IKZF3: variants seen among roughly 807,000 people sequenced by gnomAD.
IKZF3 encodes the protein IKAROS family zinc finger 3, also known as zinc finger protein Aiolos.
Under a neutral mutation model 49.0 loss-of-function variants are expected in IKZF3, and 10 were observed. That is an observed-to-expected ratio of 0.20 (90% CI 0.13 to 0.35). The LOEUF is 0.35. Ranked by LOEUF, IKZF3 falls within the 10% of genes least tolerant of loss-of-function variation. The pLI, the probability that IKZF3 is intolerant of heterozygous loss-of-function variation, is 1.00. For missense variants in IKZF3, 498 were observed against 664.8 expected, an observed-to-expected ratio of 0.75 and a Z score of 2.76; for synonymous variants, 209 against 228.2, an observed-to-expected ratio of 0.92 and a Z score of 0.76.
chr17:39,862,274 T>C (rs2144610668), intron 1 of IKZF3, among the ~76,000 whole-genome samples: 1 of 152,318 alleles, frequency 6.6e-6, no homozygotes, highest in East Asian at 1.9e-4. Context: ...TGACTTTATA[T>C]GCTGAAGGAA....
chr17:39,765,795 T>C lies in IKZF3; in HGVS notation c.1525A>G (p.Lys509Glu). The change falls in exon 8 of 8, where the codon AAG (lysine) becomes GAG (glutamate). Residue 509 changes from lysine (K) to glutamate (E), a missense_variant. Around this residue, in one of 3 missense-constraint regions of IKZF3, gnomAD observed 317 missense variants for 397.3 expected, o/e 0.80. Coordinates refer to ENST00000346872, the MANE Select transcript of IKZF3 (RefSeq NM_012481.5). Reference protein sequence around the residue: ...IARGEHRALLK With the variant: ...IARGEHRALLE ...CAATCCCTGAGACCAGATATTCACT[T>C]CAGCAGGGCTCTGTGTTCTCCTCTG... is the stretch of plus-strand genomic sequence containing the variant. The C allele has an allele frequency of 6.3e-7, 1 of 1,595,570 alleles. No homozygotes were observed. The highest frequency in any genetic ancestry group is 8.6e-7 in the Non-Finnish European group (1 of 1,166,384).
chr17:39,804,518 G>A (rs546601505), intron 3 of IKZF3, among the ~76,000 whole-genome samples: 5 of 152,030 alleles, frequency 3.3e-5, no homozygotes, highest in East Asian at 1.9e-4. Flanking sequence ...ATTTAGTGAT[G>A]ATAACTAGGC....
intron 3 of IKZF3, among the ~76,000 whole-genome samples, chr17:39,810,716 A>T (rs1170582100): frequency 6.6e-6 from 1 of 152,172 alleles, no homozygotes; most frequent in South Asian, 2.1e-4. Flanking sequence ...TAGCATTACA[A>T]TTATTAACAT....
At chr17:39,849,307 C>T (rs1489452359) in intron 1 of IKZF3, among the ~76,000 whole-genome samples, 2 of 111,092 alleles carry the variant, frequency 1.8e-5, no homozygotes, top group Non-Finnish European at 1.7e-5. Flanking sequence ...GTGATAGCAC[C>T]TGGAAAAAAA....
chr17:39,793,123 A>G (rs2061071450), intron 3 of IKZF3, among the ~76,000 whole-genome samples, 190 bp from the exon 4 acceptor site: 1 of 152,260 alleles, frequency 6.6e-6, no homozygotes, highest in Non-Finnish European at 1.5e-5. Context: ...CAGTCAGAGG[A>G]AAACACACAT....
chr17:39,840,401 T>C (rs766424101), intron 1 of IKZF3, among the ~76,000 whole-genome samples: 87 of 152,332 alleles, frequency 5.7e-4, no homozygotes, highest in Admixed American at 2.4e-3. Context: ...TTGGTCATTT[T>C]TCCAGTGCTT....
At chr17:39,772,384 A>G (rs2060467421) in intron 7 of IKZF3, among the ~76,000 whole-genome samples, 1 of 152,238 alleles carries the variant, frequency 6.6e-6, no homozygotes, top group Non-Finnish European at 1.5e-5. Flanking sequence ...AAGTTCTTCA[A>G]GTCACTTAAA....
rs887577863 is a variant in IKZF3 at position 39,761,284 on chromosome 17, G to A, written c.*4506C>T. 6 of 152,154 alleles carry A rather than the reference G, an allele frequency of 3.9e-5. No homozygotes were observed. Among genetic ancestry groups the A allele is most frequent in the African/African-American group, 1.4e-4 (6 of 41,446 alleles). The allele number at this position is 152,154 out of a possible 1,614,324, so 9.4% of individuals were successfully genotyped here. ...GAATGTCTTTTTGGGAGAATAACTT[G>A]AGGAAACTAAAGACTGATGAGTTCA... On this transcript the variant is annotated 3_prime_UTR_variant, in exon 8 of 8. Transcript: ENST00000346872.
At chr17:39,836,103 G>A (rs1290173645) in intron 1 of IKZF3, 3 of 662,698 alleles carry the variant, frequency 4.5e-6, no homozygotes, top group Non-Finnish European at 8.2e-6. Context: ...CAAACTTGTT[G>A]AGGGTCTTAA....
Position 39,791,423 on chromosome 17 carries a change from T to G in IKZF3, c.585A>C (p.Thr195=). 6.2e-7 allele frequency: 1 copy of G among 1,613,892 alleles called. No homozygotes were observed. Among genetic ancestry groups the G allele is most frequent in the Non-Finnish European group, 8.5e-7 (1 of 1,179,864 alleles). ...RRDALTGHLR[T]HSVEKPYKCE... ...CTCATTTCTCTCACTTACCAGAATG[T>G]GTCCTAAGATGCCCCGTGAGCGCAT... Residue 195 remains threonine (T), a synonymous_variant, in exon 5 of 8, where the codon ACA becomes ACC. Transcript: ENST00000346872.
At chr17:39,855,099 A>C (rs1332929484) in intron 1 of IKZF3, among the ~76,000 whole-genome samples, 42 of 152,168 alleles carry the variant, frequency 2.8e-4, no homozygotes, top group Non-Finnish European at 7.4e-5. Context: ...AGGGTTGCAG[A>C]GGGCTGCCAC....
intron 3 of IKZF3, among the ~76,000 whole-genome samples, chr17:39,818,247 T>A (rs2061721814): frequency 6.6e-6 from 1 of 152,220 alleles, no homozygotes; most frequent in Admixed American, 6.5e-5. Context: ...GACCCAAACA[T>A]TATGTGGTAT....
At chr17:39,840,156 G>A (rs1312381483) in intron 1 of IKZF3, among the ~76,000 whole-genome samples, 3 of 152,176 alleles carry the variant, frequency 2.0e-5, no homozygotes, top group African/African-American at 4.8e-5. Flanking sequence ...GTATAAATCT[G>A]TTTAGTTATT....
chr17:39,801,526 G>T (rs887641647), intron 3 of IKZF3, among the ~76,000 whole-genome samples: 1 of 152,210 alleles, frequency 6.6e-6, no homozygotes, highest in African/African-American at 2.4e-5. Context: ...AGTCTACAAA[G>T]TTTGTTACTG....
chr17:39,826,175 T>C (rs2061951528), intron 3 of IKZF3, among the ~76,000 whole-genome samples: 1 of 152,218 alleles, frequency 6.6e-6, no homozygotes, highest in Non-Finnish European at 1.5e-5. Context: ...CCCAAGTAGC[T>C]GGGACCACAG....
chr17:39,794,568 G>A (rs1227563581), intron 3 of IKZF3, among the ~76,000 whole-genome samples: 1 of 152,186 alleles, frequency 6.6e-6, no homozygotes. Flanking sequence ...AGCCAGGGCT[G>A]CCACACAGTT....
intron 1 of IKZF3, among the ~76,000 whole-genome samples, chr17:39,848,735 C>T (rs1314741923): frequency 2.0e-5 from 3 of 152,100 alleles, no homozygotes; most frequent in Admixed American, 6.6e-5. Flanking sequence ...GGCTGGAATG[C>T]AGTGACATGA....
chr17:39,825,160 A>G (rs993282489), intron 3 of IKZF3, among the ~76,000 whole-genome samples: 7 of 152,178 alleles, frequency 4.6e-5, no homozygotes, highest in Admixed American at 1.3e-4. Flanking sequence ...AAATTGCCCA[A>G]TCTTGGGTAT....
At position 39,827,787 on chromosome 17, in the gene IKZF3, A is replaced by C. The variant is rs557388600; in HGVS notation, c.163+1600T>G. The stretch of plus-strand genomic sequence containing the variant: ...CTCTACTTACAGCCCATAATGTCAA[A>C]CAATGGGCAAAGAGCTATCCTCCTC... On this transcript the variant is annotated intron_variant, in intron 3 of 7. Coordinates refer to ENST00000346872, the MANE Select transcript of IKZF3 (RefSeq NM_012481.5). Among the ~76,000 whole-genome samples the C allele has an allele frequency of 2.0e-5, 3 of 152,368 alleles. No individual in the cohort carries two copies. The East Asian group carries it at 5.8e-4, about 29-fold the overall frequency.
Sources: allele counts gnomAD v4.1 joint callset (sites outside exome capture counted in the v4.1 genomes callset), GRCh38; gene constraint gnomAD v4.1.1; regional missense constraint gnomAD v4.1.1; transcripts MANE v1.5; gene names NCBI Gene and HGNC (gene_info 2026-07-23, HGNC 2026-07-21).